The following ZC3H14 variants were observed in gnomAD, a reference collection of about 807,000 sequenced individuals.
The protein encoded by ZC3H14 is zinc finger CCCH-type containing 14.
In ZC3H14, 31 loss-of-function variants were observed where a neutral mutation model predicts 92.4. That is an observed-to-expected ratio of 0.34 (90% CI 0.25 to 0.45). ZC3H14 has a LOEUF of 0.45. Among genes scored for constraint, ZC3H14 ranks in the 20% least tolerant of loss-of-function variants. The probability of loss-of-function intolerance (pLI) is 1.00; values close to 1 mark genes in which losing one functional copy is unlikely to be tolerated. For missense variants in ZC3H14, 781 were observed against 897.3 expected, an observed-to-expected ratio of 0.87 and a Z score of 1.66; for synonymous variants, 321 against 300.9, an observed-to-expected ratio of 1.07 and a Z score of -0.69.
rs376221071 is a variant in ZC3H14, at chr14:88,616,362, G to A, written c.*4611G>A. 7.3e-6 allele frequency: 7 copies of A among 956,364 alleles called. 1 individual carries two copies. The highest frequency in any genetic ancestry group is 2.2e-4 in the Middle Eastern group (1 of 4,574). The allele number at this position is 956,364 out of a possible 1,614,324, so 59.2% of individuals were successfully genotyped here. On this transcript the variant is annotated 3_prime_UTR_variant, in exon 17 of 17. Transcript: ENST00000251038. ...GAGAGAGTAGGGAGTTAGCACCGCA[G>A]CCAGTGATTAGAATGCTTTTCAGCA...
intron 9 of ZC3H14, chr14:88,595,238 T>C: frequency 6.7e-7 from 1 of 1,488,946 alleles, no homozygotes; most frequent in Non-Finnish European, 8.9e-7. Context: ...CATGGACCTT[T>C]AATGACAAAT....
rs1381365524 is a variant in ZC3H14 at position 88,607,434 on chromosome 14, CCCCATCTCACCTGGCAAGTACCAT to C, written c.1868+83_1868+106del. 2.1e-5 allele frequency: 31 copies of C among 1,494,896 alleles called. No individual in the cohort carries two copies. In the African/African-American group the frequency reaches 4.0e-4, roughly 19 times the overall value. The allele number at this position is 1,494,896 out of a possible 1,614,324, so 92.6% of individuals were successfully genotyped here. Reference sequence around the variant, plus strand: ...CCCATCTCACCCTGCAAGTACCATCCCCCATCTCACCTGGCAAGTACCATCCCATCTCACCCAGCAAGTACCATC... The same window carrying C: ...CCCATCTCACCCTGCAAGTACCATCCCCCATCTCACCCAGCAAGTACCATC... On this transcript the variant is annotated intron_variant, in intron 13 of 16. Coordinates refer to ENST00000251038, the MANE Select transcript of ZC3H14 (RefSeq NM_024824.5).
chr14:88,609,696 G>GT lies in ZC3H14; in HGVS notation c.2006-11dup. 6.2e-7 allele frequency: 1 copy of GT among 1,613,940 alleles called. No homozygotes were observed. Among genetic ancestry groups the GT allele is most frequent in the Non-Finnish European group, 8.5e-7 (1 of 1,179,864 alleles). On this transcript the variant is annotated splice_polypyrimidine_tract_variant and intron_variant, in intron 14 of 16. Coordinates refer to ENST00000251038, the MANE Select transcript of ZC3H14 (RefSeq NM_024824.5). ...CCAAACAGATTGGAGATCAGTCCTGGTTTTTATTTTGTTAGCAGTTGCACC... is the reference window on the plus strand; with the variant it reads ...CCAAACAGATTGGAGATCAGTCCTGGTTTTTTATTTTGTTAGCAGTTGCACC...
chr14:88,568,008 A>G, intron 2 of ZC3H14, 31 bp from the exon 3 acceptor site: 3 of 1,589,356 alleles, frequency 1.9e-6, no homozygotes, highest in Non-Finnish European at 2.6e-6. Context: ...TTGAGGAAAC[A>G]AAGTTTTGAT....
chr14:88,598,426 C>T (rs775650773), intron 10 of ZC3H14, among the ~76,000 whole-genome samples: 4 of 152,108 alleles, frequency 2.6e-5, no homozygotes, highest in Non-Finnish European at 5.9e-5. Context: ...GGGGGAGGCA[C>T]CTCACCATTA....
intron 1 of ZC3H14, 125 bp from the exon 2 acceptor site, chr14:88,563,526 T>G: frequency 6.3e-7 from 1 of 1,574,870 alleles, no homozygotes; most frequent in South Asian, 1.1e-5. Flanking sequence ...GCGAGGCTCC[T>G]CCCAGCCCCC....
intron 9 of ZC3H14, chr14:88,595,157 C>G: frequency 2.5e-6 from 4 of 1,597,580 alleles, no homozygotes; most frequent in Non-Finnish European, 3.4e-6. Flanking sequence ...ATCCTTTGAT[C>G]TGTATCTTTC....
chr14:88,576,537 A>G (rs936114116), intron 8 of ZC3H14, among the ~76,000 whole-genome samples: 1 of 152,244 alleles, frequency 6.6e-6, no homozygotes, highest in Non-Finnish European at 1.5e-5. Flanking sequence ...TCTTACGGAA[A>G]GCTGATTCTG....
intron 9 of ZC3H14, among the ~76,000 whole-genome samples, chr14:88,583,581 A>G (rs1472833005): frequency 1.3e-5 from 2 of 152,146 alleles, no homozygotes; most frequent in South Asian, 4.1e-4. Context: ...TTCATCATTG[A>G]AAGTGTGTTT....
intron 14 of ZC3H14, 49 bp from the exon 15 acceptor site, chr14:88,609,663 T>C (rs760217786): frequency 1.1e-5 from 17 of 1,602,642 alleles, no homozygotes; most frequent in Non-Finnish European, 1.5e-5. Flanking sequence ...GCATTAAAAA[T>C]GGGTTTTCCA....
chr14:88,621,922 C>A lies in ZC3H14; in HGVS notation c.*10171C>A, dbSNP rs4635267. ...GTAAATACCTGAAAATACATAAATA[C>A]GTGATTCTTAACTATAGTCATCCTA... On this transcript the variant is annotated 3_prime_UTR_variant, in exon 17 of 17. Transcript: ENST00000251038. 2.2e-6 allele frequency: 1 copy of A among 455,356 alleles called. No individual in the cohort carries two copies. Among genetic ancestry groups the A allele is most frequent in the Non-Finnish European group, 4.4e-6 (1 of 226,562 alleles). The allele number at this position is 455,356 out of a possible 1,614,324, so 28.2% of individuals were successfully genotyped here. A position where few individuals can be genotyped will look rare whatever the true frequency, so the allele number is the denominator to read the frequency against.
chr14:88,616,371 T>G lies in ZC3H14; in HGVS notation c.*4620T>G. ...GGGAGTTAGCACCGCAGCCAGTGATTAGAATGCTTTTCAGCATGAGTAGTG... is the reference window on the plus strand; with the variant it reads ...GGGAGTTAGCACCGCAGCCAGTGATGAGAATGCTTTTCAGCATGAGTAGTG... On this transcript the variant is annotated 3_prime_UTR_variant, in exon 17 of 17. Transcript: ENST00000251038. 1 of 885,962 alleles carries G rather than the reference T, an allele frequency of 1.1e-6. No homozygotes were observed. The highest frequency in any genetic ancestry group is 1.8e-6 in the Non-Finnish European group (1 of 560,258). 54.9% of individuals were successfully genotyped at this position (885,962 alleles called of 1,614,324 possible). A position where few individuals can be genotyped will look rare whatever the true frequency, so the allele number is the denominator to read the frequency against.
intron 8 of ZC3H14, among the ~76,000 whole-genome samples, 184 bp downstream of exon 8, chr14:88,576,124 TG>T (rs1180816410): frequency 6.6e-6 from 1 of 152,230 alleles, no homozygotes; most frequent in Non-Finnish European, 1.5e-5. Flanking sequence ...CTTCGCCAAC[TG>T]TTATTGGACT....
chr14:88,603,043 A>G lies in ZC3H14; in HGVS notation c.1730A>G (p.Asn577Ser), dbSNP rs766284721. ...CTGAGCAGGCAGCTTGAGGACCCAA[A>G]TGGTAGCTTTTCTAACGGTGTGTTG... Reference protein sequence around the residue: ...HLLSRQLEDPNGSFSNAEMSE... With the variant: ...HLLSRQLEDPSGSFSNAEMSE... Residue 577 changes from asparagine (N) to serine (S), a missense_variant, in exon 12 of 17, where the codon AAT becomes AGT. Coordinates refer to ENST00000251038, the MANE Select transcript of ZC3H14 (RefSeq NM_024824.5). 3.1e-6 allele frequency: 5 copies of G among 1,614,142 alleles called. No homozygotes were observed. In the African/African-American group the frequency reaches 6.7e-5, roughly 22 times the overall value.
chr14:88,594,481 G>A (rs2083540802), intron 9 of ZC3H14: 1 of 1,333,826 alleles, frequency 7.5e-7, no homozygotes, highest in Non-Finnish European at 9.6e-7. Flanking sequence ...TTGTAGCGAA[G>A]AGCAATTGGT....
chr14:88,615,960 CCT>C lies in ZC3H14; in HGVS notation c.*4212_*4213del. 1 of 1,359,226 alleles carries C rather than the reference CCT, an allele frequency of 7.4e-7. No homozygotes were observed. Among genetic ancestry groups the C allele is most frequent in the Admixed American group, 2.2e-5 (1 of 45,640 alleles). The allele number at this position is 1,359,226 out of a possible 1,614,324, so 84.2% of individuals were successfully genotyped here. Reference sequence around the variant, plus strand: ...TTCAGGTTACATGTGTAATATTTTTCCTCTTTAACTCCTTTTATTCTGTATTT... The same window carrying C: ...TTCAGGTTACATGTGTAATATTTTTCCTTTAACTCCTTTTATTCTGTATTT... On this transcript the variant is annotated 3_prime_UTR_variant, in exon 17 of 17. Coordinates refer to ENST00000251038, the MANE Select transcript of ZC3H14 (RefSeq NM_024824.5).
intron 9 of ZC3H14, among the ~76,000 whole-genome samples, chr14:88,578,620 T>C (rs1302241229): frequency 3.3e-5 from 5 of 152,106 alleles, no homozygotes; most frequent in Non-Finnish European, 5.9e-5. Context: ...CTGCATTCTT[T>C]CTTTTTCTCT....
chr14:88,599,878 AT>A (rs1241430714), intron 10 of ZC3H14, among the ~76,000 whole-genome samples: 1 of 152,164 alleles, frequency 6.6e-6, no homozygotes, highest in East Asian at 1.9e-4. Context: ...TCGGTGAATC[AT>A]TTAATAACTT....
chr14:88,624,912 G>A lies in ZC3H14; in HGVS notation c.*13161G>A. 6.3e-7 allele frequency: 1 copy of A among 1,579,830 alleles called. No individual in the cohort carries two copies. Among genetic ancestry groups the A allele is most frequent in the Admixed American group, 1.8e-5 (1 of 56,090 alleles). ...CTAGAAACAACTAGAATAATTAACT[G>A]CAAACCTCAGGTAGGTCACAAATGC... On this transcript the variant is annotated 3_prime_UTR_variant, in exon 17 of 17. Coordinates refer to ENST00000251038, the MANE Select transcript of ZC3H14 (RefSeq NM_024824.5).
Sources: gnomAD v4.1 joint callset for allele counts (sites outside exome capture counted in the v4.1 genomes callset) on GRCh38, gnomAD v4.1.1 for gene constraint, MANE v1.5 for transcripts, NCBI Gene and HGNC (gene_info 2026-07-23, HGNC 2026-07-21) for gene names.